The following ADGRA3 variants were observed in gnomAD, a reference collection of about 807,000 sequenced individuals.
ADGRA3 encodes the protein adhesion G protein-coupled receptor A3.
Under a neutral mutation model 119.8 loss-of-function variants are expected in ADGRA3, and 56 were observed. The ratio of observed to expected loss-of-function variants is 0.47; its 90% confidence interval spans 0.38 to 0.58. The LOEUF (loss-of-function observed/expected upper bound fraction) is 0.58, where lower values mean the gene tolerates loss of function less well. Ranked by LOEUF, ADGRA3 falls within the 20% of genes least tolerant of loss-of-function variation. The pLI, the probability that ADGRA3 is intolerant of heterozygous loss-of-function variation, is 0.00. For missense variants in ADGRA3, 1,516 were observed against 1,649.0 expected (o/e 0.92, Z 1.40); for synonymous variants, 607 against 623.8 (o/e 0.97, Z 0.40).
rs149949249 is a variant in ADGRA3 at position 22,476,894 on chromosome 4, T to C, written c.258-3051A>G. ...GATGGCCAGGCTGGTTTCGAACTCC[T>C]GACCTCAGATGATCCGCCCACCTCG... On this transcript the variant is annotated intron_variant, in intron 1 of 18. Coordinates refer to ENST00000334304, the MANE Select transcript of ADGRA3 (RefSeq NM_145290.4). 2.0e-3 allele frequency among the ~76,000 whole-genome samples: 304 copies of C among 152,270 alleles called. 1 individual carries two copies. The highest frequency in any genetic ancestry group is 6.8e-3 in the African/African-American group (283 of 41,564).
chr4:22,515,494 C>G (rs373794506), intron 1 of ADGRA3, 34 bp downstream of exon 1: 2 of 1,591,424 alleles, frequency 1.3e-6, no homozygotes, highest in African/African-American at 1.4e-5. Context: ...AAGAGCCGAG[C>G]GGGAGAGGAC....
chr4:22,445,241 T>C (rs991521777), intron 5 of ADGRA3, 108 bp from the exon 6 acceptor site: 1 of 902,004 alleles, frequency 1.1e-6, no homozygotes, highest in African/African-American at 1.6e-5. Context: ...TGTTCACCCA[T>C]ACCATGCCTA....
chr4:22,488,498 CCT>C (rs1377666934), intron 1 of ADGRA3, among the ~76,000 whole-genome samples: 5 of 152,318 alleles, frequency 3.3e-5, no homozygotes, highest in Admixed American at 6.5e-5. Flanking sequence ...TGGGACCACC[CCT>C]GAGCCTCGTA....
intron 9 of ADGRA3, 21 bp from the exon 10 acceptor site, chr4:22,435,487 T>G (rs773397812): frequency 1.5e-5 from 24 of 1,569,176 alleles, no homozygotes; most frequent in Non-Finnish European, 2.0e-5. Context: ...AAGGCAAAAA[T>G]GATCAACAAA....
At chr4:22,489,865 TA>T (rs1326867143) in intron 1 of ADGRA3, among the ~76,000 whole-genome samples, 1 of 152,160 alleles carries the variant, frequency 6.6e-6, no homozygotes, top group African/African-American at 2.4e-5. Context: ...TATCAACAGG[TA>T]GCATATACTA....
chr4:22,441,860 C>T (rs1438161540), intron 7 of ADGRA3, among the ~76,000 whole-genome samples: 1 of 152,136 alleles, frequency 6.6e-6, no homozygotes, highest in African/African-American at 2.4e-5. Flanking sequence ...TAGCCAACTG[C>T]ATAAGTCTTG....
intron 1 of ADGRA3, among the ~76,000 whole-genome samples, chr4:22,505,621 T>C (rs1719209670): frequency 7.0e-6 from 1 of 142,656 alleles, no homozygotes; most frequent in Admixed American, 7.3e-5. Context: ...CACTCCAAGC[T>C]GGGCGACAGA....
Position 22,401,416 on chromosome 4 carries a change from T to C in ADGRA3, c.2481+15A>G. On this transcript the variant is annotated intron_variant, in intron 16 of 18. Coordinates refer to ENST00000334304, the MANE Select transcript of ADGRA3 (RefSeq NM_145290.4). ...CCAGTAATTTTTTCCATTTCGGTTT[T>C]TCACTCTGACTTACTGCTTGGCAGA... 1 of 1,576,592 alleles carries C rather than the reference T, an allele frequency of 6.3e-7. No homozygotes were observed. The highest frequency in any genetic ancestry group is 8.6e-7 in the Non-Finnish European group (1 of 1,161,988).
intron 1 of ADGRA3, among the ~76,000 whole-genome samples, chr4:22,512,845 G>T (rs1279067659): frequency 1.3e-5 from 2 of 152,170 alleles, no homozygotes; most frequent in African/African-American, 4.8e-5. Context: ...ATCTGCAGCA[G>T]CCCTAGGCAC....
At chr4:22,414,528 A>T in intron 12 of ADGRA3, 1 of 661,140 alleles carries the variant, frequency 1.5e-6, no homozygotes, top group South Asian at 1.7e-5. Context: ...AACATTCCAT[A>T]GTTGAAGAAT....
intron 1 of ADGRA3, among the ~76,000 whole-genome samples, chr4:22,500,467 T>A (rs1375606228): frequency 8.6e-6 from 1 of 116,586 alleles, no homozygotes; most frequent in Non-Finnish European, 1.9e-5. Flanking sequence ...TGGTTGTTAT[T>A]AGAACTTTCA....
intron 14 of ADGRA3, among the ~76,000 whole-genome samples, chr4:22,404,416 C>A (rs533773032): frequency 6.6e-6 from 1 of 152,226 alleles, no homozygotes; most frequent in Non-Finnish European, 1.5e-5. Context: ...AAACTCCTCA[C>A]CTTGTCAAAT....
intron 4 of ADGRA3, among the ~76,000 whole-genome samples, chr4:22,449,228 G>C (rs1716940074): frequency 6.6e-6 from 1 of 151,228 alleles, no homozygotes; most frequent in Admixed American, 6.6e-5. Flanking sequence ...CAGGACTGCA[G>C]CACTGCACTC....
In ADGRA3 at chr4:22,423,581, CATAA is replaced by C. The variant is rs544753900; in HGVS notation, c.1605+606_1605+609del. ...AGAAATTTACAACTGTTCAATTTAT[CATAA>C]ATAAAATTTAATACTATGTAATTGA... On this transcript the variant is annotated intron_variant, in intron 11 of 18. Coordinates refer to ENST00000334304, the MANE Select transcript of ADGRA3 (RefSeq NM_145290.4). Among the ~76,000 whole-genome samples the C allele has an allele frequency of 1.9e-3, 292 of 152,248 alleles. 2 individuals carry two copies. The highest frequency in any genetic ancestry group is 6.7e-3 in the African/African-American group (277 of 41,536).
intron 12 of ADGRA3, among the ~76,000 whole-genome samples, chr4:22,415,281 T>G (rs971951745): frequency 6.6e-6 from 1 of 152,200 alleles, no homozygotes; most frequent in Admixed American, 6.6e-5. Flanking sequence ...AAGCAAATGA[T>G]TGACTTTAGA....
rs552058516 is a variant in ADGRA3 at position 22,414,689 on chromosome 4, A to C, written c.1810-875T>G. ...TGTTTAATACTAAGCCCAAATCCTA[A>C]GTTCACCATATAATTTGATGAAAAT... On this transcript the variant is annotated intron_variant, in intron 12 of 18. Coordinates refer to ENST00000334304, the MANE Select transcript of ADGRA3 (RefSeq NM_145290.4). The C allele has an allele frequency of 4.6e-6, 3 of 656,550 alleles. No individual in the cohort carries two copies. In the South Asian group the frequency reaches 5.1e-5, roughly 11 times the overall value. 40.7% of individuals were successfully genotyped at this position (656,550 alleles called of 1,614,324 possible). A position where few individuals can be genotyped will look rare whatever the true frequency, so the allele number is the denominator to read the frequency against.
intron 6 of ADGRA3, 49 bp downstream of exon 6, chr4:22,444,924 G>C (rs1716772267): frequency 1.3e-6 from 2 of 1,582,572 alleles, no homozygotes; most frequent in African/African-American, 1.3e-5. Context: ...AAACATGGTA[G>C]CAAGTCAAAA....
chr4:22,497,908 C>T (rs757203962), intron 1 of ADGRA3, among the ~76,000 whole-genome samples: 82 of 148,974 alleles, frequency 5.5e-4, no homozygotes, highest in Non-Finnish European at 1.0e-3. Flanking sequence ...CAAACCACTT[C>T]ACTCCAGCCT....
intron 7 of ADGRA3, among the ~76,000 whole-genome samples, chr4:22,439,272 T>G (rs999313828): frequency 1.3e-5 from 2 of 152,232 alleles, no homozygotes; most frequent in East Asian, 3.8e-4. Context: ...AAAAGGTTTC[T>G]GTGTTAAGGT....
Sources: gnomAD v4.1 joint callset for allele counts (sites outside exome capture counted in the v4.1 genomes callset) on GRCh38, gnomAD v4.1.1 for gene constraint, MANE v1.5 for transcripts, NCBI Gene and HGNC (gene_info 2026-07-23, HGNC 2026-07-21) for gene names.